The following OR5H1 variants were observed in gnomAD, a reference collection of about 807,000 sequenced individuals.
The protein encoded by OR5H1 is olfactory receptor family 5 subfamily H member 1, also known as olfactory receptor 5H1.
For synonymous variants in OR5H1, 124 were observed against 134.4 expected (o/e 0.92, Z 0.54); for missense variants, 378 against 366.8 (o/e 1.03, Z -0.25).
chr3:98,136,621 G>A lies in OR5H1; in HGVS notation c.*2982G>A, dbSNP rs1708321068. The A allele has an allele frequency of 1.3e-5, 2 of 152,090 alleles. No homozygotes were observed. The highest frequency in any genetic ancestry group is 6.6e-5 in the Admixed American group (1 of 15,264). The allele number at this position is 152,090 out of a possible 1,614,324, so 9.4% of individuals were successfully genotyped here. ...TTAAAATTTGATTCCAAATTCTGGAGGTGTCGAAGATGGGAGGTGTTTGGG... is the reference window on the plus strand; with the variant it reads ...TTAAAATTTGATTCCAAATTCTGGAAGTGTCGAAGATGGGAGGTGTTTGGG... On this transcript the variant is annotated 3_prime_UTR_variant, in exon 2 of 2. Transcript: ENST00000641874.
chr3:98,133,457 C>T lies in OR5H1; in HGVS notation c.760C>T (p.Pro254Ser), dbSNP rs556585759. ...CTTCTCTGTCTCTTTATACTATGGA[C>T]CCCTTCTCTTCATTTATGTGGGCCC... ...HLFSVSLYYG[P>S]LLFIYVGPAS... The change falls in exon 2 of 2, where the codon CCC becomes TCC. Residue 254 changes from proline (P) to serine (S), a missense_variant. Coordinates refer to ENST00000641874, the MANE Select transcript of OR5H1 (RefSeq NM_001005338.2). The T allele has an allele frequency of 6.0e-5, 94 of 1,562,332 alleles. 1 individual carries two copies. The South Asian group carries it at 8.9e-4, about 15-fold the overall frequency.
Position 98,132,853 on chromosome 3 carries a change from C to A in OR5H1, c.156C>A (p.Asp52Glu), listed in dbSNP as rs367833543. 29 of 1,613,412 alleles carry A rather than the reference C, an allele frequency of 1.8e-5. No individual in the cohort carries two copies. Among genetic ancestry groups the A allele is most frequent in the Non-Finnish European group, 2.4e-5 (28 of 1,179,616 alleles). Residue 52 changes from aspartate (D) to glutamate (E), a missense_variant, in exon 2 of 2, where the codon GAC becomes GAA. Coordinates refer to ENST00000641874, the MANE Select transcript of OR5H1 (RefSeq NM_001005338.2). ...NLGLIAVIWK[D>E]PHLHIPMYLL... is the part of the protein sequence containing the mutation. Reference sequence around the variant, plus strand: ...GTCTGATTGCTGTCATCTGGAAAGACCCTCACCTTCATATCCCAATGTACT... The same window carrying A: ...GTCTGATTGCTGTCATCTGGAAAGAACCTCACCTTCATATCCCAATGTACT...
At position 98,136,155 on chromosome 3, in the gene OR5H1, T is replaced by G. The variant is rs142298372; in HGVS notation, c.*2516T>G. ...GCTATATTTTTCTACTGAAACATGA[T>G]TTTTCCCTCCATAATCAGGCCATTT... is the stretch of plus-strand genomic sequence containing the variant. On this transcript the variant is annotated 3_prime_UTR_variant, in exon 2 of 2. Transcript: ENST00000641874. 6.6e-6 allele frequency: 1 copy of G among 152,068 alleles called. No individual in the cohort carries two copies. The highest frequency in any genetic ancestry group is 1.5e-5 in the Non-Finnish European group (1 of 68,032). The allele number at this position is 152,068 out of a possible 1,614,324, so 9.4% of individuals were successfully genotyped here.
rs780836525 is a variant in OR5H1 at position 98,132,864 on chromosome 3, A to G, written c.167A>G (p.His56Arg). The G allele has an allele frequency of 8.1e-6, 13 of 1,613,508 alleles. No homozygotes were observed. Among genetic ancestry groups the G allele is most frequent in the South Asian group, 3.3e-5 (3 of 91,060 alleles). The change falls in exon 2 of 2, where the codon CAT (histidine) becomes CGT (arginine). Residue 56 changes from histidine (H) to arginine (R), a missense_variant. Transcript: ENST00000641874. Reference protein sequence around the residue: ...IAVIWKDPHLHIPMYLLLGNL... With the variant: ...IAVIWKDPHLRIPMYLLLGNL... ...GTCATCTGGAAAGACCCTCACCTTC[A>G]TATCCCAATGTACTTACTCCTTGGG...
rs933989073 is a variant in OR5H1, at chr3:98,136,650, T to C, written c.*3011T>C. On this transcript the variant is annotated 3_prime_UTR_variant, in exon 2 of 2. Transcript: ENST00000641874. ...TCGAAGATGGGAGGTGTTTGGGTCATGGGGGTCGATCTCTCATGAATGCCT... is the reference window on the plus strand; with the variant it reads ...TCGAAGATGGGAGGTGTTTGGGTCACGGGGGTCGATCTCTCATGAATGCCT... 2 of 150,312 alleles carry C rather than the reference T, an allele frequency of 1.3e-5. No homozygotes were observed. Among genetic ancestry groups the C allele is most frequent in the Admixed American group, 6.6e-5 (1 of 15,198 alleles). 9.3% of individuals were successfully genotyped at this position (150,312 alleles called of 1,614,324 possible).
intron 1 of OR5H1, among the ~76,000 whole-genome samples, chr3:98,131,649 T>C (rs1158413055): frequency 6.6e-6 from 1 of 152,026 alleles, no homozygotes; most frequent in Non-Finnish European, 1.5e-5. Context: ...TGGTTCTGTT[T>C]TACACTCCAA....
intron 1 of OR5H1, 39 bp downstream of exon 1, chr3:98,130,889 T>C (rs1202965202): frequency 6.6e-6 from 1 of 152,124 alleles, no homozygotes; most frequent in Non-Finnish European, 1.5e-5. Flanking sequence ...TATTATAATT[T>C]ATAGAAATGT....
chr3:98,131,699 C>T (rs72926068), intron 1 of OR5H1, among the ~76,000 whole-genome samples: 2,650 of 152,088 alleles, frequency 0.017, 81 homozygotes, highest in African/African-American at 0.056. Context: ...CTGCCTTTGA[C>T]TACCACAATG....
chr3:98,132,665 T>G lies in OR5H1; in HGVS notation c.-18-15T>G. ...ATTGCAAATGTTCCCTTTCATTTGT[T>G]GCATTTTATTTTAGAGGGCATGCTG... On this transcript the variant is annotated splice_polypyrimidine_tract_variant and intron_variant, in intron 1 of 1. Coordinates refer to ENST00000641874, the MANE Select transcript of OR5H1 (RefSeq NM_001005338.2). 2.5e-6 allele frequency: 4 copies of G among 1,605,072 alleles called. No homozygotes were observed. The highest frequency in any genetic ancestry group is 3.4e-6 in the Non-Finnish European group (4 of 1,174,662).
chr3:98,133,869 CT>C lies in OR5H1; in HGVS notation c.*231del, dbSNP rs1708288052. The C allele has an allele frequency of 7.0e-6, 3 of 430,246 alleles. No individual in the cohort carries two copies. The highest frequency in any genetic ancestry group is 6.0e-5 in the African/African-American group (3 of 49,918). The allele number at this position is 430,246 out of a possible 1,614,324, so 26.7% of individuals were successfully genotyped here. Reference sequence around the variant, plus strand: ...TAATGACTGTAGAAATCAAATAAAACTATTTAACAGTTGTATATGTTATTCA... The same window carrying C: ...TAATGACTGTAGAAATCAAATAAAACATTTAACAGTTGTATATGTTATTCA... On this transcript the variant is annotated 3_prime_UTR_variant, in exon 2 of 2. Transcript: ENST00000641874.
rs1559804445 is a variant in OR5H1, at chr3:98,133,688, G to GTACCTCT, written c.*49_*50insTACCTCT. ...TAGTCACAAAATTATGCAAGTTAGA[G>GTACCTCT]GTACCTATGTTGTTTCCAGTGTTCA... On this transcript the variant is annotated 3_prime_UTR_variant, in exon 2 of 2. Transcript: ENST00000641874. 7 of 1,455,840 alleles carry GTACCTCT rather than the reference G, an allele frequency of 4.8e-6. No individual in the cohort carries two copies. The African/African-American group carries it at 8.4e-5, about 17-fold the overall frequency. 90.2% of individuals were successfully genotyped at this position (1,455,840 alleles called of 1,614,324 possible).
In OR5H1 at chr3:98,135,775, A is replaced by G. The variant is rs976892629; in HGVS notation, c.*2136A>G. 4 of 152,214 alleles carry G rather than the reference A, an allele frequency of 2.6e-5. No homozygotes were observed. The highest frequency in any genetic ancestry group is 5.9e-5 in the Non-Finnish European group (4 of 68,036). The allele number at this position is 152,214 out of a possible 1,614,324, so 9.4% of individuals were successfully genotyped here. ...AAACCAACTGAAATAAACCAAATGA[A>G]AATAATAAAAGGTTAATGGTTAAAA... On this transcript the variant is annotated 3_prime_UTR_variant, in exon 2 of 2. Coordinates refer to ENST00000641874, the MANE Select transcript of OR5H1 (RefSeq NM_001005338.2).
At position 98,137,224 on chromosome 3, in the gene OR5H1, A is replaced by G. The variant is rs1325288859; in HGVS notation, c.*3585A>G. 2 of 152,204 alleles carry G rather than the reference A, an allele frequency of 1.3e-5. No homozygotes were observed. The highest frequency in any genetic ancestry group is 4.8e-5 in the African/African-American group (2 of 41,450). The allele number at this position is 152,204 out of a possible 1,614,324, so 9.4% of individuals were successfully genotyped here. On this transcript the variant is annotated 3_prime_UTR_variant, in exon 2 of 2. Transcript: ENST00000641874. ...GAGGTCAGCTAAGGAGAAGAAGGTA[A>G]ACGTATTAATTCTGTTTACAAAAGG... is the stretch of plus-strand genomic sequence containing the variant.
chr3:98,131,592 A>T (rs1481819679), intron 1 of OR5H1, among the ~76,000 whole-genome samples: 1 of 151,868 alleles, frequency 6.6e-6, no homozygotes, highest in Non-Finnish European at 1.5e-5. Context: ...CCACCTTGTT[A>T]CCTCCTTAAT....
At chr3:98,132,281 CAT>C (rs1708265079) in intron 1 of OR5H1, among the ~76,000 whole-genome samples, 2 of 151,960 alleles carry the variant, frequency 1.3e-5, no homozygotes, top group African/African-American at 4.8e-5. Context: ...ATTTTTGGCA[CAT>C]GCTTATTGTA....
rs1288072932 is a variant in OR5H1 at position 98,138,313 on chromosome 3, C to T, written c.*4674C>T. 6.6e-6 allele frequency: 1 copy of T among 152,194 alleles called. No homozygotes were observed. The highest frequency in any genetic ancestry group is 2.4e-5 in the African/African-American group (1 of 41,446). 9.4% of individuals were successfully genotyped at this position (152,194 alleles called of 1,614,324 possible). On this transcript the variant is annotated 3_prime_UTR_variant, in exon 2 of 2. Transcript: ENST00000641874. The stretch of plus-strand genomic sequence containing the variant: ...TGGAATCTATAGATAACAACAGTTG[C>T]TAGGTGAGGGGTCGAATTTTAACAA...
At position 98,133,062 on chromosome 3, in the gene OR5H1, G is replaced by T. The variant is rs1559804050; in HGVS notation, c.365G>T (p.Arg122Leu). ...CFLLATMAYD[R>L]YVAICKPLLY... ...CTCTTGGCAACGATGGCATATGATC[G>T]CTATGTAGCCATATGCAAACCTTTA... Residue 122 changes from arginine (R) to leucine (L), a missense_variant, in exon 2 of 2, where the codon CGC (arginine) becomes CTC (leucine). Physicochemically the swap from Arg to Leu is moderately radical, Grantham distance 102 (BLOSUM62 -2). Transcript: ENST00000641874. 1 of 1,613,532 alleles carries T rather than the reference G, an allele frequency of 6.2e-7. No homozygotes were observed. Among genetic ancestry groups the T allele is most frequent in the Non-Finnish European group, 8.5e-7 (1 of 1,179,660 alleles).
rs1013499756 is a variant in OR5H1, at chr3:98,134,076, A to C, written c.*437A>C. ...GTCCCAATGATTCTGCTAACCATCA[A>C]GGTCTTCCATTTCATTATATTAGGA... is the stretch of plus-strand genomic sequence containing the variant. On this transcript the variant is annotated 3_prime_UTR_variant, in exon 2 of 2. Transcript: ENST00000641874. 6.3e-6 allele frequency: 1 copy of C among 158,170 alleles called. No homozygotes were observed. The highest frequency in any genetic ancestry group is 1.9e-4 in the East Asian group (1 of 5,390). 9.8% of individuals were successfully genotyped at this position (158,170 alleles called of 1,614,324 possible).
In OR5H1 at chr3:98,137,385, G is replaced by A. The variant is rs1286685560; in HGVS notation, c.*3746G>A. On this transcript the variant is annotated 3_prime_UTR_variant, in exon 2 of 2. Coordinates refer to ENST00000641874, the MANE Select transcript of OR5H1 (RefSeq NM_001005338.2). ...ATTAGACAGATACTTTGCATACAGG[G>A]ATGTTTCCTTTATGTTATTTAGTGG... 1.3e-5 allele frequency: 2 copies of A among 152,118 alleles called. No homozygotes were observed. The highest frequency in any genetic ancestry group is 2.9e-5 in the Non-Finnish European group (2 of 68,028). 9.4% of individuals were successfully genotyped at this position (152,118 alleles called of 1,614,324 possible). A position where few individuals can be genotyped will look rare whatever the true frequency, so the allele number is the denominator to read the frequency against.
Sources: allele counts gnomAD v4.1 joint callset (sites outside exome capture counted in the v4.1 genomes callset), GRCh38; gene constraint gnomAD v4.1.1; transcripts MANE v1.5; gene names NCBI Gene and HGNC (gene_info 2026-07-23, HGNC 2026-07-21).